Variants in NOD1 observed in about 807,000 individuals in gnomAD.
NOD1 encodes nucleotide-binding oligomerization domain-containing protein 1.
Under a neutral mutation model 81.2 loss-of-function variants are expected in NOD1, and 70 were observed. The observed-to-expected ratio is 0.86, with a 90% CI of 0.71 to 1.05. The LOEUF is 1.05. Ranked by LOEUF, NOD1 falls within the 50% of genes least tolerant of loss-of-function variation. NOD1 has a pLI of 0.00. For missense variants in NOD1, 1,233 were observed against 1,228.0 expected (o/e 1.00, Z -0.06); for synonymous variants, 508 against 526.9 (o/e 0.96, Z 0.49).
At chr7:30,455,107 G>A (rs1662270942) in intron 5 of NOD1, 30 bp downstream of exon 5, 2 of 1,607,122 alleles carry the variant, frequency 1.2e-6, no homozygotes, top group Admixed American at 1.7e-5. Flanking sequence ...TTGCACTGGT[G>A]CCTGCGGTCT....
chr7:30,449,756 A>G (rs1454043118), intron 6 of NOD1, among the ~76,000 whole-genome samples: 1 of 152,202 alleles, frequency 6.6e-6, no homozygotes, highest in Non-Finnish European at 1.5e-5. Flanking sequence ...GCAGCCAGAG[A>G]ACTGAGTGTG....
At chr7:30,471,266 G>C (rs1391534737) in intron 1 of NOD1, among the ~76,000 whole-genome samples, 1 of 152,176 alleles carries the variant, frequency 6.6e-6, no homozygotes, top group African/African-American at 2.4e-5. Flanking sequence ...TAAAGCATCT[G>C]CCCCAGACAC....
chr7:30,428,132 G>A (rs924583250), intron 13 of NOD1, among the ~76,000 whole-genome samples: 1 of 152,128 alleles, frequency 6.6e-6, no homozygotes, highest in Non-Finnish European at 1.5e-5. Flanking sequence ...GGATTGCAGT[G>A]GCATGATCCT....
chr7:30,449,844 G>A (rs1040267177), intron 6 of NOD1, among the ~76,000 whole-genome samples: 8 of 152,192 alleles, frequency 5.3e-5, no homozygotes, highest in Admixed American at 1.3e-4. Flanking sequence ...AGCTTCACCT[G>A]GGGACAGCAG....
chr7:30,429,386 A>G lies in NOD1; in HGVS notation c.2777T>C (p.Ile926Thr), dbSNP rs1184392140. 1 of 1,613,832 alleles carries G rather than the reference A, an allele frequency of 6.2e-7. No individual in the cohort carries two copies. The highest frequency in any genetic ancestry group is 1.1e-5 in the South Asian group (1 of 91,076). Residue 926 changes from isoleucine to threonine, a missense_variant, in exon 13 of 14, where the codon ATA becomes ACA. Ile to Thr is a moderately conservative substitution (Grantham distance 89). Coordinates refer to ENST00000222823, the MANE Select transcript of NOD1 (RefSeq NM_006092.4). ...LADALQSNTG[I>T]TEICLNGNLI... ...GCTGGGATCTTACCAAATCTCTGTT[A>G]TGCCAGTGTTGCTCTGTAACGCATC...
rs752159734 is a variant in NOD1 at position 30,455,156 on chromosome 7, G to A, written c.357C>T (p.Val119=). 2.5e-6 allele frequency: 4 copies of A among 1,613,976 alleles called. No homozygotes were observed. The highest frequency in any genetic ancestry group is 1.1e-5 in the South Asian group (1 of 91,056). The change falls in exon 5 of 14, where the codon GTC becomes GTT. Residue 119 remains valine (V), a synonymous_variant. Coordinates refer to ENST00000222823, the MANE Select transcript of NOD1 (RefSeq NM_006092.4). ...FSPSLLTQSK[V]VVNTDPVSRY... ...TCCTACCTGGGTCAGTGTTGACCACGACTTTGCTCTGAGTGAGCAGGGAAG... is the reference window on the plus strand; with the variant it reads ...TCCTACCTGGGTCAGTGTTGACCACAACTTTGCTCTGAGTGAGCAGGGAAG...
chr7:30,474,458 T>G (rs563090023), intron 1 of NOD1, among the ~76,000 whole-genome samples: 6 of 152,186 alleles, frequency 3.9e-5, no homozygotes, highest in African/African-American at 1.4e-4. Context: ...GGAAGACAAT[T>G]TTTCCACAGA....
chr7:30,477,367 G>T (rs1788888127), intron 1 of NOD1, among the ~76,000 whole-genome samples: 1 of 152,210 alleles, frequency 6.6e-6, no homozygotes, highest in Non-Finnish European at 1.5e-5. Context: ...TGAGAACAGG[G>T]AATCCACTCC....
intron 12 of NOD1, among the ~76,000 whole-genome samples, chr7:30,430,528 C>T (rs551810020): frequency 1.2e-4 from 18 of 152,276 alleles, no homozygotes; most frequent in African/African-American, 3.9e-4. Context: ...ACCAGGAAGA[C>T]GAGGGCCCTA....
At position 30,472,172 on chromosome 7, in the gene NOD1, G is replaced by A. The variant is rs80345642; in HGVS notation, c.-352+6434C>T. Among the ~76,000 whole-genome samples the A allele has an allele frequency of 6.1e-3, 924 of 152,250 alleles. 8 individuals are homozygous for A. The highest frequency in any genetic ancestry group is 9.2e-3 in the Non-Finnish European group (623 of 68,002). On this transcript the variant is annotated intron_variant, in intron 1 of 13. Transcript: ENST00000222823. ...GGAAATTCCTCCAAAGCTTCCCTCC[G>A]CACTTCAGAATAAAATCCCAAATCC...
chr7:30,447,170 C>A (rs537411642), intron 7 of NOD1, 120 bp from the exon 8 acceptor site: 2 of 1,563,678 alleles, frequency 1.3e-6, no homozygotes, highest in East Asian at 2.3e-5. Context: ...GGGGAACACA[C>A]AGGCACCAGA....
chr7:30,435,209 A>C (rs1390628730), intron 11 of NOD1, among the ~76,000 whole-genome samples: 3 of 152,222 alleles, frequency 2.0e-5, no homozygotes, highest in Non-Finnish European at 4.4e-5. Flanking sequence ...TAGAGTGCAG[A>C]GAGGGAGCGA....
In NOD1 at chr7:30,425,591, C is replaced by A. The variant is rs1258948686; in HGVS notation, c.*47G>T. On this transcript the variant is annotated 3_prime_UTR_variant, in exon 14 of 14. Coordinates refer to ENST00000222823, the MANE Select transcript of NOD1 (RefSeq NM_006092.4). ...AAAAGACTGCCCAGAGTGGCATTTG[C>A]TGCTGAGGCTCCAGGGCAAAAACCC... 7.1e-7 allele frequency: 1 copy of A among 1,414,284 alleles called. No individual in the cohort carries two copies. Among genetic ancestry groups the A allele is most frequent in the Non-Finnish European group, 1.0e-6 (1 of 997,262 alleles). 87.6% of individuals were successfully genotyped at this position (1,414,284 alleles called of 1,614,324 possible). A position where few individuals can be genotyped will look rare whatever the true frequency, so the allele number is the denominator to read the frequency against.
intron 13 of NOD1, 57 bp from the exon 14 acceptor site, chr7:30,425,767 ACT>A: frequency 8.5e-7 from 1 of 1,178,416 alleles, no homozygotes; most frequent in Admixed American, 1.7e-5. Flanking sequence ...ATCCTCGCAC[ACT>A]CCTTCCCAAG....
At chr7:30,456,394 G>A (rs1695847857) in intron 4 of NOD1, among the ~76,000 whole-genome samples, 1 of 152,152 alleles carries the variant, frequency 6.6e-6, no homozygotes, top group African/African-American at 2.4e-5. Flanking sequence ...CAGAGGCACT[G>A]AATGAACATC....
rs779617263 is a variant in NOD1 at position 30,452,272 on chromosome 7, G to C, written c.1145C>G (p.Pro382Arg). ...DRLLSQLEAN[P>R]NLCSLCSVPL... ...CACAGAGCACAGGCTGCAGAGGTTG[G>C]GGTTGGCCTCCAGCTGGCTCAGCAG... The change falls in exon 6 of 14, where the codon CCC becomes CGC. Residue 382 changes from proline to arginine, a missense_variant. Pro to Arg is a moderately radical substitution (Grantham distance 103). Transcript: ENST00000222823. The C allele has an allele frequency of 1.2e-5, 19 of 1,613,512 alleles. No individual in the cohort carries two copies. Among genetic ancestry groups the C allele is most frequent in the Non-Finnish European group, 1.5e-5 (18 of 1,179,872 alleles).
At chr7:30,468,824 C>T (rs777239451) in intron 1 of NOD1, 25 of 985,146 alleles carry the variant, frequency 2.5e-5, no homozygotes, top group Non-Finnish European at 2.5e-5. Flanking sequence ...ATTTAATCCA[C>T]AGGCTCCACA....
chr7:30,465,814 G>A (rs1053476150), intron 1 of NOD1, among the ~76,000 whole-genome samples: 7 of 152,306 alleles, frequency 4.6e-5, no homozygotes, highest in African/African-American at 9.6e-5. Flanking sequence ...ACAACCCAGC[G>A]TTTTTCAACA....
intron 1 of NOD1, chr7:30,468,755 A>G (rs1787965945): frequency 1.4e-5 from 13 of 912,482 alleles, no homozygotes; most frequent in Non-Finnish European, 1.7e-5. Flanking sequence ...ATGAATGGGG[A>G]CCACATCTGA....
Sources: gnomAD v4.1 joint callset for allele counts (sites outside exome capture counted in the v4.1 genomes callset) on GRCh38, gnomAD v4.1.1 for gene constraint, MANE v1.5 for transcripts, NCBI Gene and HGNC (gene_info 2026-07-23, HGNC 2026-07-21) for gene names.